CSMD1: variants seen among roughly 807,000 people sequenced by gnomAD.
CSMD1 encodes CUB and sushi domain-containing protein 1.
In CSMD1, 213 loss-of-function variants were observed where a neutral mutation model predicts 417.5. That is an observed-to-expected ratio of 0.51 (90% confidence interval 0.46 to 0.57). The LOEUF (loss-of-function observed/expected upper bound fraction) is 0.57, where lower values mean the gene tolerates loss of function less well. Ranked by LOEUF, CSMD1 falls within the 20% of genes least tolerant of loss-of-function variation. The pLI is 0.00. For missense variants in CSMD1, 6,923 were observed against 4,529.7 expected (o/e 1.53, Z -15.17); for synonymous variants, 2,862 against 1,736.8 (o/e 1.65, Z -16.11).
At chr8:4,108,047 G>C (rs1159609650) in intron 3 of CSMD1, among the ~76,000 whole-genome samples, 2 of 1,822 alleles carry the variant, frequency 1.1e-3, no homozygotes, top group African/African-American at 4.2e-3. Flanking sequence ...GAGAAAGAGA[G>C]ACAGAGACAG....
At chr8:4,543,983 T>C (rs1797525647) in intron 2 of CSMD1, among the ~76,000 whole-genome samples, 1 of 152,168 alleles carries the variant, frequency 6.6e-6, no homozygotes, top group Non-Finnish European at 1.5e-5. Flanking sequence ...GTTCATTGTT[T>C]TCTATTGAGT....
chr8:4,155,149 TAA>T (rs925310329), intron 3 of CSMD1, among the ~76,000 whole-genome samples: 1 of 152,170 alleles, frequency 6.6e-6, no homozygotes, highest in African/African-American at 2.4e-5. Flanking sequence ...ACAGATGAGA[TAA>T]AAGAGGCACT....
rs181120002 is a variant in CSMD1 at position 3,205,961 on chromosome 8, G to A, written c.4868-341C>T. 7.8e-4 allele frequency among the ~76,000 whole-genome samples: 118 copies of A among 151,194 alleles called. 3 individuals carry two copies. In the East Asian group the frequency reaches 0.016, roughly 21 times the overall value. ...GAAAGTCTCGCGGAGTTGTCTGTTC[G>A]AAGTCAATCCTCATATTAACTTAAG... On this transcript the variant is annotated intron_variant, in intron 30 of 69. Coordinates refer to ENST00000635120, the MANE Select transcript of CSMD1 (RefSeq NM_033225.6).
intron 3 of CSMD1, among the ~76,000 whole-genome samples, chr8:4,042,366 C>G (rs1361777261): frequency 6.6e-6 from 1 of 151,964 alleles, no homozygotes; most frequent in Non-Finnish European, 1.5e-5. Flanking sequence ...AAGAATGAAA[C>G]CAAGGAGAGA....
rs1367225984 is a variant in CSMD1, at chr8:3,854,748, A to T, written c.819-100706T>A. Among the ~76,000 whole-genome samples, 4 of 126,204 alleles carry T rather than the reference A, an allele frequency of 3.2e-5. No individual in the cohort carries two copies. In the East Asian group the frequency reaches 7.8e-4, roughly 25 times the overall value. 82.8% of individuals were successfully genotyped at this position (126,204 alleles called of 152,430 possible). A position where few individuals can be genotyped will look rare whatever the true frequency, so the allele number is the denominator to read the frequency against. On this transcript the variant is annotated intron_variant, in intron 5 of 69. Coordinates refer to ENST00000635120, the MANE Select transcript of CSMD1 (RefSeq NM_033225.6). ...AGTAAGAGAAACTCCAGAGGGGGTA[A>T]AAAAGAAAAAAAAAAGATCGATTAA...
chr8:4,702,535 TAA>T (rs1202035629), intron 1 of CSMD1, among the ~76,000 whole-genome samples: 1 of 152,124 alleles, frequency 6.6e-6, no homozygotes, highest in African/African-American at 2.4e-5. Flanking sequence ...GCTTAAAAAA[TAA>T]AAAGACATTC....
chr8:4,123,610 A>G (rs1802604596), intron 3 of CSMD1, among the ~76,000 whole-genome samples: 1 of 152,214 alleles, frequency 6.6e-6, no homozygotes, highest in Non-Finnish European at 1.5e-5. Flanking sequence ...CTTTTGAAAA[A>G]AAGTCATTTT....
In CSMD1 at chr8:2,967,487, C is replaced by T. The variant is rs189568090; in HGVS notation, c.8924-741G>A. On this transcript the variant is annotated intron_variant, in intron 57 of 69. Transcript: ENST00000635120. ...TTTAGTCAGTAAACAAAAGCAAGCT[C>T]GGCTGCCGCTGGGTACGTTTCAGGG... Among the ~76,000 whole-genome samples, 182 of 152,234 alleles carry T rather than the reference C, an allele frequency of 1.2e-3. 1 individual carries two copies. Among genetic ancestry groups the T allele is most frequent in the Admixed American group, 9.1e-3 (139 of 15,288 alleles).
chr8:3,535,699 T>A (rs1474729384), intron 10 of CSMD1, among the ~76,000 whole-genome samples: 1 of 152,234 alleles, frequency 6.6e-6, no homozygotes, highest in African/African-American at 2.4e-5. Flanking sequence ...CTTGTACCCC[T>A]CATTGCTTTT....
intron 3 of CSMD1, among the ~76,000 whole-genome samples, chr8:4,211,120 A>G (rs1800283292): frequency 6.6e-6 from 1 of 152,158 alleles, no homozygotes; most frequent in South Asian, 2.1e-4. Flanking sequence ...GCTGTTATAT[A>G]TTCCTGAAAT....
chr8:3,684,654 G>C (rs531552274), intron 7 of CSMD1, among the ~76,000 whole-genome samples: 20 of 147,884 alleles, frequency 1.4e-4, no homozygotes, highest in South Asian at 1.3e-3. Context: ...CTGGAGTGCA[G>C]TGGCGCTATC....
chr8:3,360,705 GCTAATCTTT>G (rs1165287877), intron 20 of CSMD1, among the ~76,000 whole-genome samples: 1 of 152,112 alleles, frequency 6.6e-6, no homozygotes, highest in Non-Finnish European at 1.5e-5. Flanking sequence ...AGAAAACTAT[GCTAATCTTT>G]CTAAAAAAAA....
chr8:4,582,611 C>T (rs1021202726), intron 2 of CSMD1, among the ~76,000 whole-genome samples: 5 of 152,206 alleles, frequency 3.3e-5, no homozygotes, highest in Admixed American at 1.3e-4. Context: ...TACACATTAG[C>T]AAGGATGCAC....
chr8:3,893,626 A>C (rs1807146889), intron 5 of CSMD1, among the ~76,000 whole-genome samples: 1 of 151,876 alleles, frequency 6.6e-6, no homozygotes, highest in East Asian at 1.9e-4. Context: ...CTTACTGTGC[A>C]TGGTGTCTTG....
chr8:4,654,658 G>C (rs990227169), intron 1 of CSMD1, among the ~76,000 whole-genome samples: 2 of 152,094 alleles, frequency 1.3e-5, no homozygotes, highest in African/African-American at 4.8e-5. Context: ...ATTGTAATAA[G>C]TTTTGGATTT....
At chr8:3,536,711 C>T (rs1798215556) in intron 10 of CSMD1, among the ~76,000 whole-genome samples, 1 of 152,116 alleles carries the variant, frequency 6.6e-6, no homozygotes, top group African/African-American at 2.4e-5. Context: ...GAGCAGCCTC[C>T]CTCCTCCGGT....
At chr8:3,380,043 A>G (rs1010599133) in intron 18 of CSMD1, among the ~76,000 whole-genome samples, 12 of 152,212 alleles carry the variant, frequency 7.9e-5, no homozygotes, top group African/African-American at 2.9e-4. Flanking sequence ...GAACAAATTT[A>G]CAACAAAAAA....
intron 23 of CSMD1, among the ~76,000 whole-genome samples, chr8:3,330,032 A>C (rs1428244744): frequency 6.6e-6 from 1 of 152,186 alleles, no homozygotes; most frequent in Non-Finnish European, 1.5e-5. Context: ...AATGGACTGT[A>C]TAAGAAGCTC....
chr8:3,313,696 G>T (rs1052882235), intron 23 of CSMD1, among the ~76,000 whole-genome samples: 2 of 152,214 alleles, frequency 1.3e-5, no homozygotes, highest in Non-Finnish European at 2.9e-5. Context: ...TTCAACCATT[G>T]TGGAAGTCAG....
Sources: gnomAD v4.1 joint callset for allele counts (sites outside exome capture counted in the v4.1 genomes callset) on GRCh38, gnomAD v4.1.1 for gene constraint, MANE v1.5 for transcripts, NCBI Gene and HGNC (gene_info 2026-07-23, HGNC 2026-07-21) for gene names.